Variants in GAD2 observed in about 807,000 individuals in gnomAD.
GAD2 encodes glutamate decarboxylase 2.
In GAD2, 22 loss-of-function variants were observed where a neutral mutation model predicts 80.1. The observed-to-expected ratio is 0.27, with a 90% CI of 0.20 to 0.39. The LOEUF (loss-of-function observed/expected upper bound fraction) is 0.39. GAD2 is among the 10% of genes least tolerant of loss of function. The pLI, the probability that GAD2 is intolerant of heterozygous loss-of-function variation, is 1.00. For missense variants in GAD2, 624 were observed against 738.4 expected (o/e 0.85, Z 1.80); for synonymous variants, 274 against 256.9 (o/e 1.07, Z -0.64).
At chr10:26,292,815 C>T (rs1034615279) in intron 14 of GAD2, 87 bp from the exon 15 acceptor site, 11 of 1,127,664 alleles carry the variant, frequency 9.8e-6, no homozygotes, top group Non-Finnish European at 1.3e-5. Context: ...TGTTCTGAAC[C>T]TGCTGAATAC....
In GAD2 at chr10:26,300,956, T is replaced by G; in HGVS notation, c.1753T>G (p.Leu585Val). Residue 585 changes from leucine (L) to valine (V), a missense_variant, in exon 16 of 16, where the codon TTA (leucine) becomes GTA (valine). Coordinates refer to ENST00000376261, the MANE Select transcript of GAD2 (RefSeq NM_001134366.2). ...IEEIERLGQDL is the reference protein window; with the variant it reads ...IEEIERLGQDV ...AGAAATAGAACGCCTTGGACAAGAT[T>G]TATAATAACCTTGCTCACCAAGCTG... is the stretch of plus-strand genomic sequence containing the variant. 6.2e-7 allele frequency: 1 copy of G among 1,613,348 alleles called. No homozygotes were observed. Among genetic ancestry groups the G allele is most frequent in the Non-Finnish European group, 8.5e-7 (1 of 1,179,424 alleles).
At position 26,303,495 on chromosome 10, in the gene GAD2, G is replaced by GGGAGGGAGGGAGGGAGGAAA; in HGVS notation, c.*2536_*2555dup. ...AGGAGGGAGGGAGGAAGGAAATGAA[G>GGGAGGGAGGGAGGGAGGAAA]GGAGGGAGGGAGGGAGGAAAGAAGG... On this transcript the variant is annotated 3_prime_UTR_variant, in exon 16 of 16. Transcript: ENST00000376261. The GGGAGGGAGGGAGGGAGGAAA allele has an allele frequency of 6.7e-6, 1 of 149,228 alleles. No homozygotes were observed. Among genetic ancestry groups the GGGAGGGAGGGAGGGAGGAAA allele is most frequent in the Non-Finnish European group, 1.5e-5 (1 of 67,078 alleles). 9.2% of individuals were successfully genotyped at this position (149,228 alleles called of 1,614,324 possible).
At chr10:26,222,335 CAT>C (rs986113838) in intron 4 of GAD2, among the ~76,000 whole-genome samples, 4 of 151,924 alleles carry the variant, frequency 2.6e-5, no homozygotes, top group African/African-American at 9.7e-5. Context: ...ACTGTCTAAT[CAT>C]AGACACCACA....
At chr10:26,292,619 A>G (rs1245221123) in intron 14 of GAD2, 47 bp downstream of exon 14, 2 of 1,340,804 alleles carry the variant, frequency 1.5e-6, no homozygotes, top group African/African-American at 1.4e-5. Flanking sequence ...GTCAATTCCA[A>G]CCCTCATCAC....
chr10:26,270,826 A>C, intron 10 of GAD2, 70 bp downstream of exon 10: 5 of 1,022,500 alleles, frequency 4.9e-6, no homozygotes, highest in Non-Finnish European at 7.7e-6. Context: ...CACAAAGGAA[A>C]TTTGTTTTCT....
chr10:26,218,156 C>G (rs1291835413), intron 3 of GAD2, 165 bp downstream of exon 3: 5 of 718,646 alleles, frequency 7.0e-6, no homozygotes, highest in Non-Finnish European at 1.1e-5. Flanking sequence ...GCGGGACCTG[C>G]CCGCTGGGTC....
intron 8 of GAD2, among the ~76,000 whole-genome samples, chr10:26,248,358 G>T (rs1465363561): frequency 6.6e-6 from 1 of 152,200 alleles, no homozygotes; most frequent in Non-Finnish European, 1.5e-5. Context: ...TGGCCCAGGG[G>T]TGTGCCTCCC....
At chr10:26,245,231 G>GC (rs111902398) in intron 7 of GAD2, among the ~76,000 whole-genome samples, 3,832 of 151,630 alleles carry the variant, frequency 0.025, 181 homozygotes, top group African/African-American at 0.088. Flanking sequence ...TGGGGGTGTG[G>GC]GGGGAGGGAG....
chr10:26,225,927 C>T (rs754063454), intron 6 of GAD2, among the ~76,000 whole-genome samples: 20 of 152,154 alleles, frequency 1.3e-4, no homozygotes, highest in Non-Finnish European at 2.4e-4. Flanking sequence ...GGAGCTTGGT[C>T]ATCATTGCCT....
Position 26,225,400 on chromosome 10 carries a change from G to C in GAD2, c.724+749G>C, listed in dbSNP as rs140344982. Among the ~76,000 whole-genome samples the C allele has an allele frequency of 1.2e-4, 18 of 152,300 alleles. No individual in the cohort carries two copies. In the East Asian group the frequency reaches 3.1e-3, roughly 26 times the overall value. On this transcript the variant is annotated intron_variant, in intron 6 of 15. Coordinates refer to ENST00000376261, the MANE Select transcript of GAD2 (RefSeq NM_001134366.2). ...CTTGGTTTGATGCAGAAAAGAAATAGAAGTTAGGAAGGCAATGCAAAGAGA... is the reference window on the plus strand; with the variant it reads ...CTTGGTTTGATGCAGAAAAGAAATACAAGTTAGGAAGGCAATGCAAAGAGA...
At chr10:26,247,419 A>C (rs1424822898) in intron 8 of GAD2, among the ~76,000 whole-genome samples, 1 of 152,072 alleles carries the variant, frequency 6.6e-6, no homozygotes, top group Non-Finnish European at 1.5e-5. Context: ...ATGCAGTCCA[A>C]TAGGTCTCAG....
chr10:26,225,795 T>C lies in GAD2; in HGVS notation c.724+1144T>C, dbSNP rs188150535. Among the ~76,000 whole-genome samples, 639 of 152,340 alleles carry C rather than the reference T, an allele frequency of 4.2e-3. 6 individuals carry two copies. The highest frequency in any genetic ancestry group is 0.015 in the African/African-American group (603 of 41,584). ...GCTGAAGGAAAAGGTGTTAGTTAAATGGAAGGGAAAATTAGCCTTTTAAAA... is the reference window on the plus strand; with the variant it reads ...GCTGAAGGAAAAGGTGTTAGTTAAACGGAAGGGAAAATTAGCCTTTTAAAA... On this transcript the variant is annotated intron_variant, in intron 6 of 15. Coordinates refer to ENST00000376261, the MANE Select transcript of GAD2 (RefSeq NM_001134366.2).
intron 8 of GAD2, among the ~76,000 whole-genome samples, chr10:26,247,858 T>C (rs1844827936): frequency 7.4e-6 from 1 of 134,932 alleles, no homozygotes; most frequent in African/African-American, 2.8e-5. Context: ...ATCATGCCAT[T>C]GCACTCCAGC....
At chr10:26,287,072 A>C (rs542011254) in intron 13 of GAD2, among the ~76,000 whole-genome samples, 2 of 152,316 alleles carry the variant, frequency 1.3e-5, no homozygotes, top group Non-Finnish European at 2.9e-5. Flanking sequence ...AAAACTCACT[A>C]ACTAACAGTG....
intron 8 of GAD2, among the ~76,000 whole-genome samples, chr10:26,262,198 A>C (rs1392757973): frequency 6.6e-6 from 1 of 151,354 alleles, no homozygotes; most frequent in African/African-American, 2.4e-5. Context: ...AAAATTTACT[A>C]TCTGGGCCTG....
chr10:26,301,542 G>A lies in GAD2; in HGVS notation c.*581G>A, dbSNP rs1301531092. 6.6e-6 allele frequency: 1 copy of A among 151,786 alleles called. No individual in the cohort carries two copies. The highest frequency in any genetic ancestry group is 1.5e-5 in the Non-Finnish European group (1 of 67,940). 9.4% of individuals were successfully genotyped at this position (151,786 alleles called of 1,614,324 possible). A position where few individuals can be genotyped will look rare whatever the true frequency, so the allele number is the denominator to read the frequency against. ...TTTATATAGGTTATACAAACTGCGG[G>A]GGCAGATATAAAATCTAAGCCAGAT... is the stretch of plus-strand genomic sequence containing the variant. On this transcript the variant is annotated 3_prime_UTR_variant, in exon 16 of 16. Transcript: ENST00000376261.
intron 8 of GAD2, among the ~76,000 whole-genome samples, chr10:26,268,162 T>A (rs1184472149): frequency 1.3e-5 from 2 of 152,166 alleles, no homozygotes; most frequent in African/African-American, 4.8e-5. Context: ...CAGAGAGCTA[T>A]TTTGACTTAA....
In GAD2 at chr10:26,217,903, C is replaced by G; in HGVS notation, c.198C>G (p.Ala66=). 2.5e-6 allele frequency: 4 copies of G among 1,609,566 alleles called. No individual in the cohort carries two copies. Among genetic ancestry groups the G allele is most frequent in the Admixed American group, 1.7e-5 (1 of 59,720 alleles). Residue 66 remains alanine, a synonymous_variant, in exon 3 of 16, where the codon GCC becomes GCG. Coordinates refer to ENST00000376261, the MANE Select transcript of GAD2 (RefSeq NM_001134366.2). This position sits in a 1 kb window ranked among gnomAD's most constrained non-coding sequence, Gnocchi z 4.9. ...AESGGSQPPR[A]AARKAACACD... is the part of the protein sequence containing the mutation. ...GCGGCGGGAGCCAACCCCCGCGGGC[C>G]GCCGCCCGGAAGGCCGCCTGCGCCT...
intron 13 of GAD2, among the ~76,000 whole-genome samples, chr10:26,288,888 C>T (rs968412670): frequency 1.3e-5 from 2 of 152,208 alleles, no homozygotes; most frequent in East Asian, 1.9e-4. Context: ...AGGTGTGAAT[C>T]GAACAGCAGG....
Sources: allele counts gnomAD v4.1 joint callset (sites outside exome capture counted in the v4.1 genomes callset), GRCh38; gene constraint gnomAD v4.1.1; non-coding constraint Gnocchi (gnomAD v3.1); transcripts MANE v1.5; gene names NCBI Gene and HGNC (gene_info 2026-07-23, HGNC 2026-07-21).